Variants in URB1 observed in about 807,000 individuals in gnomAD.
The protein encoded by URB1 is URB1 ribosome biogenesis factor.
In URB1, 197 loss-of-function variants were observed where a neutral mutation model predicts 242.3. The ratio of observed to expected loss-of-function variants is 0.81; its 90% CI spans 0.72 to 0.91. The LOEUF is 0.91. URB1 is among the 40% of genes least tolerant of loss of function. The probability of loss-of-function intolerance (pLI) is 0.00; values close to 1 mark genes in which losing one functional copy is unlikely to be tolerated. For missense variants in URB1, 2,721 were observed against 2,860.5 expected (o/e 0.95, Z 1.11); for synonymous variants, 1,153 against 1,201.8 (o/e 0.96, Z 0.84).
intron 17 of URB1, 125 bp from the exon 18 acceptor site, chr21:32,354,228 A>T: frequency 1.9e-6 from 2 of 1,062,306 alleles, no homozygotes; most frequent in Non-Finnish European, 2.7e-6. Context: ...TCTTGGGGGG[A>T]GCATTTAACA....
At chr21:32,375,578 T>C in intron 5 of URB1, 95 bp from the exon 6 acceptor site, 1 of 669,886 alleles carries the variant, frequency 1.5e-6, no homozygotes, top group Non-Finnish European at 2.3e-6. Flanking sequence ...CAGCAAACAA[T>C]GCCATTTACT....
chr21:32,357,691 A>T, intron 14 of URB1, 35 bp from the exon 15 acceptor site: 2 of 1,325,832 alleles, frequency 1.5e-6, no homozygotes, highest in Non-Finnish European at 1.9e-6. Flanking sequence ...TTTTTAGTAT[A>T]TATAATTACA....
In URB1 at chr21:32,316,806, G is replaced by C. The variant is rs1298621157; in HGVS notation, c.6294C>G (p.Ser2098=). ...DAPGPVYAAA[S]LAVSWVLRSV... is the part of the protein sequence containing the mutation. ...ACCGCAGCACCCAACTGACTGCCAG[G>C]GAAGCGGCAGCATATACGGGGCCTG... Residue 2098 remains serine (S), a synonymous_variant, in exon 38 of 39, where the codon TCC becomes TCG. Transcript: ENST00000382751. 6.5e-7 allele frequency: 1 copy of C among 1,547,264 alleles called. No homozygotes were observed. The highest frequency in any genetic ancestry group is 2.0e-5 in the Admixed American group (1 of 50,816).
intron 5 of URB1, chr21:32,377,410 G>A (rs2033471693): frequency 4.4e-6 from 2 of 457,802 alleles, no homozygotes; most frequent in African/African-American, 2.1e-5. Context: ...CTTCAACAGT[G>A]TAAATGGTAC....
chr21:32,316,007 T>C (rs536314267), intron 38 of URB1, among the ~76,000 whole-genome samples: 5 of 152,222 alleles, frequency 3.3e-5, no homozygotes, highest in Non-Finnish European at 5.9e-5. Context: ...GCCAAGTACA[T>C]AAACTGTTCA....
intron 28 of URB1, among the ~76,000 whole-genome samples, chr21:32,336,880 G>A (rs2032965514): frequency 6.6e-6 from 1 of 152,242 alleles, no homozygotes; most frequent in Non-Finnish European, 1.5e-5. Flanking sequence ...CCATCAGTCA[G>A]CTGCAGTGGC....
chr21:32,372,237 A>G (rs1053024347), intron 8 of URB1, among the ~76,000 whole-genome samples: 1 of 152,240 alleles, frequency 6.6e-6, no homozygotes, highest in East Asian at 1.9e-4. Context: ...GCTGACGAAC[A>G]CTGTCTTTAG....
intron 25 of URB1, among the ~76,000 whole-genome samples, chr21:32,341,046 G>C (rs1036406648): frequency 6.6e-6 from 1 of 151,526 alleles, no homozygotes; most frequent in Non-Finnish European, 1.5e-5. Context: ...TGTTAAACAC[G>C]CTAAATAATA....
chr21:32,339,756 G>A (rs1451630551), intron 25 of URB1, among the ~76,000 whole-genome samples: 1 of 152,168 alleles, frequency 6.6e-6, no homozygotes, highest in East Asian at 1.9e-4. Context: ...CTCCCAAAGT[G>A]CTGGGATTAC....
rs2032732649 is a variant in URB1 at position 32,319,224 on chromosome 21, G to A, written c.5785C>T (p.His1929Tyr). The A allele has an allele frequency of 3.9e-6, 6 of 1,549,344 alleles. No individual in the cohort carries two copies. Among genetic ancestry groups the A allele is most frequent in the South Asian group, 3.6e-5 (3 of 83,620 alleles). ...FLYVLIVLMK[H>Y]LRPTLAPVQL... ...GGCGGGGGCAGGACTCACCTCAGGT[G>A]CTTCATGAGCACGATGAGAACATAA... Residue 1929 changes from histidine (H) to tyrosine (Y), a missense_variant, in exon 36 of 39, where the codon CAC becomes TAC. By Grantham distance (83) the His-to-Tyr change is moderately conservative. Transcript: ENST00000382751.
chr21:32,387,840 C>T lies in URB1; in HGVS notation c.143-2156G>A, dbSNP rs2033599779. The stretch of plus-strand genomic sequence containing the variant: ...ATCTAATCCTTCTTTCCCACACCAG[C>T]TGCCATCACCCTAGTCAGCACCTCT... On this transcript the variant is annotated intron_variant, in intron 1 of 38. Transcript: ENST00000382751. Among the ~76,000 whole-genome samples the T allele has an allele frequency of 2.6e-5, 4 of 152,206 alleles. No homozygotes were observed. In the South Asian group the frequency reaches 8.3e-4, roughly 32 times the overall value.
rs1471308129 is a variant in URB1, at chr21:32,337,096, G to C, written c.4683C>G (p.Phe1561Leu). 6 of 1,551,728 alleles carry C rather than the reference G, an allele frequency of 3.9e-6. No individual in the cohort carries two copies. Among genetic ancestry groups the C allele is most frequent in the Admixed American group, 2.0e-5 (1 of 50,992 alleles). The change falls in exon 28 of 39, where the codon TTC (phenylalanine) becomes TTG (leucine). Residue 1561 changes from phenylalanine to leucine, a missense_variant and splice_region_variant. Phe to Leu is a conservative substitution (Grantham distance 22). Coordinates refer to ENST00000382751, the MANE Select transcript of URB1 (RefSeq NM_014825.3). The part of the protein sequence containing the change: ...YEQNKLSLIN[F>L]RVLLWGPAAV... ...TCTACCTCTAGCCCAACACTCACCTGAAGTTGATGAGGCTGAGCTTGTTCT... is the reference window on the plus strand; with the variant it reads ...TCTACCTCTAGCCCAACACTCACCTCAAGTTGATGAGGCTGAGCTTGTTCT...
chr21:32,341,219 C>T (rs2033025153), intron 25 of URB1, among the ~76,000 whole-genome samples: 1 of 152,280 alleles, frequency 6.6e-6, no homozygotes, highest in African/African-American at 2.4e-5. Flanking sequence ...GTGGGGGCTA[C>T]TATTATTCTC....
At chr21:32,316,092 A>C (rs967932046) in intron 38 of URB1, among the ~76,000 whole-genome samples, 3 of 152,246 alleles carry the variant, frequency 2.0e-5, no homozygotes, top group Admixed American at 6.5e-5. Context: ...CACACATGCA[A>C]GCATACGCAC....
intron 30 of URB1, among the ~76,000 whole-genome samples, chr21:32,325,675 G>T (rs1282138499): frequency 6.6e-6 from 1 of 152,158 alleles, no homozygotes; most frequent in Non-Finnish European, 1.5e-5. Flanking sequence ...CAGGATATTG[G>T]AGGTGACACT....
chr21:32,344,748 A>T lies in URB1; in HGVS notation c.4079T>A (p.Val1360Glu). 6.4e-7 allele frequency: 1 copy of T among 1,550,730 alleles called. No homozygotes were observed. Among genetic ancestry groups the T allele is most frequent in the East Asian group, 2.4e-5 (1 of 40,904 alleles). The change falls in exon 24 of 39, where the codon GTG (valine) becomes GAG (glutamate). Residue 1360 changes from valine to glutamate, a missense_variant. Physicochemically the swap from Val to Glu is moderately radical, Grantham distance 121. Coordinates refer to ENST00000382751, the MANE Select transcript of URB1 (RefSeq NM_014825.3). Reference sequence around the variant, plus strand: ...CAGAGCTGCTGAAATGGAGTCGGCCACGATCCACCTGCAGCAGGAGATGAG... The same window carrying T: ...CAGAGCTGCTGAAATGGAGTCGGCCTCGATCCACCTGCAGCAGGAGATGAG... Reference protein sequence around the residue: ...HTPSSHKRWIVADSISAALEG... With the variant: ...HTPSSHKRWIEADSISAALEG...
chr21:32,373,848 G>A, intron 6 of URB1, 76 bp from the exon 7 acceptor site: 1 of 1,283,108 alleles, frequency 7.8e-7, no homozygotes, highest in Non-Finnish European at 1.0e-6. Flanking sequence ...TTTTTAAATG[G>A]TGCTTACTGT....
chr21:32,384,287 T>C (rs1305387334), intron 3 of URB1, 26 bp downstream of exon 3: 1 of 1,542,678 alleles, frequency 6.5e-7, no homozygotes, highest in East Asian at 2.5e-5. Flanking sequence ...GGCCCATCCT[T>C]TGTCACACCA....
chr21:32,342,487 G>T (rs962164947), intron 24 of URB1, among the ~76,000 whole-genome samples: 2 of 151,986 alleles, frequency 1.3e-5, no homozygotes, highest in African/African-American at 4.8e-5. Context: ...TTTTTTAAAA[G>T]AGATTGGGTC....
Sources: gnomAD v4.1 joint callset for allele counts (sites outside exome capture counted in the v4.1 genomes callset) on GRCh38, gnomAD v4.1.1 for gene constraint, MANE v1.5 for transcripts, NCBI Gene and HGNC (gene_info 2026-07-23, HGNC 2026-07-21) for gene names.